Variants in SGCZ observed in about 807,000 individuals in gnomAD.
SGCZ encodes the protein zeta-sarcoglycan.
SGCZ carries 40 observed loss-of-function variants against 41.3 expected under a neutral mutation model. The observed-to-expected ratio is 0.97, with a 90% CI of 0.75 to 1.26. The LOEUF (loss-of-function observed/expected upper bound fraction) is 1.26, where lower values mean the gene tolerates loss of function less well. Ranked by LOEUF, SGCZ falls within the 50% of genes most tolerant of loss-of-function variation. The probability of loss-of-function intolerance (pLI) is 0.00; values close to 1 mark genes in which losing one functional copy is unlikely to be tolerated. For missense variants in SGCZ, 552 were observed against 369.8 expected, an observed-to-expected ratio of 1.49 and a Z score of -4.04; for synonymous variants, 206 against 137.5, an observed-to-expected ratio of 1.50 and a Z score of -3.49.
chr8:15,141,239 G>T (rs201767534), intron 1 of SGCZ, among the ~76,000 whole-genome samples: 3 of 152,192 alleles, frequency 2.0e-5, no homozygotes, highest in African/African-American at 7.2e-5. Context: ...TAATACCAGG[G>T]ACTGGTGGTA....
intron 5 of SGCZ, among the ~76,000 whole-genome samples, chr8:14,163,904 G>C (rs1426545404): frequency 1.3e-5 from 2 of 152,060 alleles, no homozygotes; most frequent in Non-Finnish European, 2.9e-5. Flanking sequence ...GTACTTTCAA[G>C]GGATTGTTAA....
chr8:14,476,255 G>A (rs1801357277), intron 2 of SGCZ, among the ~76,000 whole-genome samples: 1 of 152,066 alleles, frequency 6.6e-6, no homozygotes. Context: ...CAATGTTGGT[G>A]GGTATCATCC....
chr8:15,116,461 T>C (rs1408389138), intron 1 of SGCZ, among the ~76,000 whole-genome samples: 1 of 152,190 alleles, frequency 6.6e-6, no homozygotes. Context: ...GTGAAAAGTT[T>C]AGCATATGGG....
intron 1 of SGCZ, among the ~76,000 whole-genome samples, chr8:14,800,940 T>C (rs1801301885): frequency 6.6e-6 from 1 of 152,200 alleles, no homozygotes; most frequent in Non-Finnish European, 1.5e-5. Flanking sequence ...GGTTTTATCT[T>C]CTGCACATGT....
intron 1 of SGCZ, among the ~76,000 whole-genome samples, chr8:15,064,666 G>C (rs936635044): frequency 6.6e-6 from 1 of 151,782 alleles, no homozygotes; most frequent in Non-Finnish European, 1.5e-5. Context: ...CCTCATAATT[G>C]CTTCTTTGTC....
chr8:14,648,598 G>A (rs1440595120), intron 1 of SGCZ, among the ~76,000 whole-genome samples: 2 of 151,820 alleles, frequency 1.3e-5, no homozygotes, highest in South Asian at 4.2e-4. Context: ...CAAAGAAAAG[G>A]TTTTTTGTTT....
At chr8:14,672,309 T>A (rs1173714363) in intron 1 of SGCZ, among the ~76,000 whole-genome samples, 2 of 152,134 alleles carry the variant, frequency 1.3e-5, no homozygotes, top group Non-Finnish European at 2.9e-5. Context: ...ATGCCCAATG[T>A]CTCATATTCC....
At chr8:14,437,654 T>G (rs959929605) in intron 2 of SGCZ, among the ~76,000 whole-genome samples, 2 of 151,876 alleles carry the variant, frequency 1.3e-5, no homozygotes, top group Non-Finnish European at 2.9e-5. Context: ...GAATCCTCAA[T>G]AACATTAAAG....
chr8:14,377,710 T>G (rs1174772763), intron 2 of SGCZ, among the ~76,000 whole-genome samples: 1 of 149,992 alleles, frequency 6.7e-6, no homozygotes, highest in East Asian at 2.0e-4. Context: ...CCTCAGAGTG[T>G]GATGTTCCCT....
intron 1 of SGCZ, among the ~76,000 whole-genome samples, chr8:14,838,173 G>C (rs184734561): frequency 1.3e-5 from 2 of 152,206 alleles, no homozygotes; most frequent in East Asian, 3.9e-4. Flanking sequence ...AAGGGTAGTG[G>C]GAAGGGAGCA....
At chr8:14,886,201 T>C (rs1421359837) in intron 1 of SGCZ, among the ~76,000 whole-genome samples, 1 of 151,656 alleles carries the variant, frequency 6.6e-6, no homozygotes, top group Non-Finnish European at 1.5e-5. Context: ...ACAACTGTTC[T>C]TAGCATACTT....
intron 4 of SGCZ, among the ~76,000 whole-genome samples, chr8:14,173,781 TG>T (rs1563166759): frequency 6.6e-6 from 1 of 152,008 alleles, no homozygotes; most frequent in Non-Finnish European, 1.5e-5. Flanking sequence ...GATAGACAAA[TG>T]GAAACATATC....
At chr8:14,141,277 A>G (rs1803361919) in intron 5 of SGCZ, among the ~76,000 whole-genome samples, 1 of 152,200 alleles carries the variant, frequency 6.6e-6, no homozygotes, top group Admixed American at 6.5e-5. Context: ...CAGGACTAAA[A>G]CACCAAAAGC....
intron 1 of SGCZ, among the ~76,000 whole-genome samples, chr8:14,878,473 T>C (rs1371279195): frequency 6.6e-6 from 1 of 152,136 alleles, no homozygotes; most frequent in Non-Finnish European, 1.5e-5. Flanking sequence ...AGTACTGTGG[T>C]TCTGATGTAG....
intron 6 of SGCZ, among the ~76,000 whole-genome samples, chr8:14,102,791 T>A (rs1802074219): frequency 6.6e-6 from 1 of 152,156 alleles, no homozygotes; most frequent in Admixed American, 6.5e-5. Flanking sequence ...TTGTTTCCCC[T>A]CAGAATGCTC....
At chr8:14,737,038 C>T in intron 1 of SGCZ, among the ~76,000 whole-genome samples, 2 of 149,438 alleles carry the variant, frequency 1.3e-5, no homozygotes, top group South Asian at 4.2e-4. Flanking sequence ...TATTATATAC[C>T]AGACATATAG....
At chr8:14,729,902 T>G (rs1810179168) in intron 1 of SGCZ, among the ~76,000 whole-genome samples, 1 of 152,092 alleles carries the variant, frequency 6.6e-6, no homozygotes, top group Non-Finnish European at 1.5e-5. Context: ...CTGGCCAACA[T>G]GGTGAAACCC....
intron 1 of SGCZ, among the ~76,000 whole-genome samples, chr8:14,626,071 GAGTCC>G (rs1476200798): frequency 6.6e-6 from 1 of 152,144 alleles, no homozygotes; most frequent in Non-Finnish European, 1.5e-5. Context: ...TGCTGAATGG[GAGTCC>G]ACAAAATGTC....
intron 3 of SGCZ, among the ~76,000 whole-genome samples, chr8:14,296,091 A>T (rs1462046397): frequency 2.0e-5 from 3 of 152,134 alleles, no homozygotes; most frequent in Non-Finnish European, 4.4e-5. Flanking sequence ...AAAGCCAAAC[A>T]TGAAGTCTAA....
Sources: gnomAD v4.1 joint callset for allele counts (sites outside exome capture counted in the v4.1 genomes callset) on GRCh38, gnomAD v4.1.1 for gene constraint, MANE v1.5 for transcripts, NCBI Gene and HGNC (gene_info 2026-07-23, HGNC 2026-07-21) for gene names.